SNTG1: variants seen among roughly 807,000 people sequenced by gnomAD.
SNTG1 encodes the protein syntrophin gamma 1.
Under a neutral mutation model 74.7 loss-of-function variants are expected in SNTG1, and 39 were observed. The observed-to-expected ratio is 0.52, with a 90% CI of 0.40 to 0.68. The LOEUF (loss-of-function observed/expected upper bound fraction) is 0.68. Ranked by LOEUF, SNTG1 falls within the 30% of genes least tolerant of loss-of-function variation. The pLI, the probability that SNTG1 is intolerant of heterozygous loss-of-function variation, is 0.00. For synonymous variants in SNTG1, 254 were observed against 217.1 expected, an observed-to-expected ratio of 1.17 and a Z score of -1.49; for missense variants, 685 against 609.5, an observed-to-expected ratio of 1.12 and a Z score of -1.30.
chr8:50,588,190 A>G (rs906986010), intron 12 of SNTG1, among the ~76,000 whole-genome samples: 3 of 152,174 alleles, frequency 2.0e-5, no homozygotes, highest in African/African-American at 7.2e-5. Context: ...TTATTTTAAA[A>G]TGTTAGTATA....
chr8:50,792,701 C>A lies in SNTG1; in HGVS notation c.1426C>A (p.Leu476Ile). Residue 476 changes from leucine to isoleucine, a missense_variant, in exon 19 of 19, where the codon CTT (leucine) becomes ATT (isoleucine). Physicochemically the swap from Leu to Ile is conservative, Grantham distance 5 (BLOSUM62 2). Coordinates refer to ENST00000642720, the MANE Select transcript of SNTG1 (RefSeq NM_018967.5). Reference sequence around the variant, plus strand: ...GGAATTTTCTAATTTATTTGCTGTTCTTCACTGCATTCATTCCTTCTTTGC... The same window carrying A: ...GGAATTTTCTAATTTATTTGCTGTTATTCACTGCATTCATTCCTTCTTTGC... The part of the protein sequence containing the change: ...ELEFSNLFAV[L>I]HCIHSFFAAK... The A allele has an allele frequency of 6.2e-7, 1 of 1,609,840 alleles. No homozygotes were observed. Among genetic ancestry groups the A allele is most frequent in the Non-Finnish European group, 8.5e-7 (1 of 1,177,644 alleles).
intron 1 of SNTG1, among the ~76,000 whole-genome samples, chr8:49,980,601 T>C (rs917155114): frequency 6.7e-6 from 1 of 148,836 alleles, no homozygotes; most frequent in African/African-American, 2.5e-5. Context: ...GCCTCTCAGC[T>C]GCCCAGCCGA....
At chr8:50,097,527 C>T (rs2079971296) in intron 1 of SNTG1, among the ~76,000 whole-genome samples, 1 of 152,000 alleles carries the variant, frequency 6.6e-6, no homozygotes, top group Non-Finnish European at 1.5e-5. Flanking sequence ...TGGCGGGCGC[C>T]TGTAGTCCCA....
intron 17 of SNTG1, among the ~76,000 whole-genome samples, chr8:50,724,014 G>A (rs1436027989): frequency 6.6e-6 from 1 of 152,130 alleles, no homozygotes; most frequent in African/African-American, 2.4e-5. Context: ...AAGAACATAA[G>A]GAGGGCAGGG....
intron 1 of SNTG1, among the ~76,000 whole-genome samples, chr8:50,147,918 C>G (rs1329419695): frequency 6.6e-6 from 1 of 152,046 alleles, no homozygotes; most frequent in Non-Finnish European, 1.5e-5. Flanking sequence ...GGCTGATTCT[C>G]TACTTGAGAC....
At chr8:50,029,095 T>A (rs1817526783) in intron 1 of SNTG1, among the ~76,000 whole-genome samples, 1 of 152,100 alleles carries the variant, frequency 6.6e-6, no homozygotes, top group Non-Finnish European at 1.5e-5. Flanking sequence ...ATTAACAAGA[T>A]TTATTGAAAA....
intron 18 of SNTG1, among the ~76,000 whole-genome samples, chr8:50,780,859 C>T (rs2095657192): frequency 6.6e-6 from 1 of 152,202 alleles, no homozygotes; most frequent in Non-Finnish European, 1.5e-5. Context: ...AAATTTCCCT[C>T]TACACACTGC....
In SNTG1 at chr8:50,430,258, A is replaced by G. The variant is rs532258021; in HGVS notation, c.163-8285A>G. On this transcript the variant is annotated intron_variant, in intron 4 of 18. Transcript: ENST00000642720. Reference sequence around the variant, plus strand: ...GCATATGAATTATATCTCAAAAAATATATTCTTAGAAAGATAAAAACTGTG... The same window carrying G: ...GCATATGAATTATATCTCAAAAAATGTATTCTTAGAAAGATAAAAACTGTG... Among the ~76,000 whole-genome samples the G allele has an allele frequency of 4.9e-3, 751 of 152,306 alleles. 10 individuals are homozygous for G. The highest frequency in any genetic ancestry group is 0.017 in the African/African-American group (686 of 41,566).
intron 2 of SNTG1, among the ~76,000 whole-genome samples, chr8:50,360,811 C>A (rs1048627675): frequency 2.6e-5 from 4 of 152,090 alleles, no homozygotes; most frequent in East Asian, 1.9e-4. Context: ...ATGGAGCTTG[C>A]AGGACTATAA....
intron 17 of SNTG1, among the ~76,000 whole-genome samples, chr8:50,749,396 G>A (rs2095562181): frequency 6.6e-6 from 1 of 152,096 alleles, no homozygotes; most frequent in Non-Finnish European, 1.5e-5. Context: ...GAAGCAGCAA[G>A]TGCTGATGGA....
chr8:50,062,095 G>A lies in SNTG1; in HGVS notation c.-102-110466G>A, dbSNP rs113675590. ...GTCTCGTTCTGTTACCCAGACTGGA[G>A]TACAGTGGTGCTATCTCGCCTCATT... On this transcript the variant is annotated intron_variant, in intron 1 of 18. Transcript: ENST00000642720. Among the ~76,000 whole-genome samples the A allele has an allele frequency of 7.9e-5, 12 of 152,282 alleles. 1 individual carries two copies. Among genetic ancestry groups the A allele is most frequent in the African/African-American group, 2.4e-4 (10 of 41,576 alleles).
intron 18 of SNTG1, among the ~76,000 whole-genome samples, chr8:50,774,789 G>T (rs1290344495): frequency 6.6e-6 from 1 of 151,574 alleles, no homozygotes; most frequent in South Asian, 2.1e-4. Context: ...AAGATGTAAA[G>T]TGTATGACAA....
At chr8:50,335,603 T>G (rs1190588091) in intron 2 of SNTG1, among the ~76,000 whole-genome samples, 2 of 152,040 alleles carry the variant, frequency 1.3e-5, no homozygotes, top group Non-Finnish European at 2.9e-5. Flanking sequence ...CTTCTCACAC[T>G]TGGAAACCAT....
chr8:50,635,339 T>C (rs191135620), intron 13 of SNTG1, among the ~76,000 whole-genome samples: 2 of 152,130 alleles, frequency 1.3e-5, no homozygotes, highest in African/African-American at 4.8e-5. Context: ...AATCAGTAGG[T>C]GGTGAGGTCA....
intron 8 of SNTG1, among the ~76,000 whole-genome samples, chr8:50,492,519 G>A (rs558946316): frequency 2.0e-5 from 3 of 152,106 alleles, no homozygotes; most frequent in African/African-American, 4.8e-5. Flanking sequence ...TCATATGTTT[G>A]TTGGCCACAT....
chr8:50,694,560 G>A (rs1262500422), intron 15 of SNTG1, among the ~76,000 whole-genome samples: 1 of 151,974 alleles, frequency 6.6e-6, no homozygotes, highest in Non-Finnish European at 1.5e-5. Flanking sequence ...TAATTCATGA[G>A]GGAACACTTC....
chr8:50,637,636 G>C (rs989322596), intron 13 of SNTG1, among the ~76,000 whole-genome samples: 3 of 151,938 alleles, frequency 2.0e-5, no homozygotes, highest in Non-Finnish European at 1.5e-5. Context: ...TTTTACCTTT[G>C]ATCCAAGCAA....
At chr8:50,139,077 G>A (rs2081574790) in intron 1 of SNTG1, among the ~76,000 whole-genome samples, 1 of 151,972 alleles carries the variant, frequency 6.6e-6, no homozygotes, top group Admixed American at 6.6e-5. Flanking sequence ...GTGTATATTT[G>A]CTTACATTTG....
chr8:50,306,943 T>C (rs980747284), intron 2 of SNTG1, among the ~76,000 whole-genome samples: 1 of 152,070 alleles, frequency 6.6e-6, no homozygotes, highest in African/African-American at 2.4e-5. Flanking sequence ...TAAAATTATA[T>C]CTGTTTTTAA....
Sources: gnomAD v4.1 joint callset for allele counts (sites outside exome capture counted in the v4.1 genomes callset) on GRCh38, gnomAD v4.1.1 for gene constraint, MANE v1.5 for transcripts, NCBI Gene and HGNC (gene_info 2026-07-23, HGNC 2026-07-21) for gene names.